The following PKHD1L1 variants were observed in gnomAD, a reference collection of about 807,000 sequenced individuals.
The protein encoded by PKHD1L1 is PKHD1 like 1, also known as fibrocystin-L.
A neutral mutation model predicts 462.9 loss-of-function variants in PKHD1L1; 434 were observed. That is an observed-to-expected ratio of 0.94 (90% CI 0.87 to 1.02). The LOEUF (loss-of-function observed/expected upper bound fraction) is 1.02. PKHD1L1 is among the 50% of genes least tolerant of loss of function. The pLI is 0.00. For synonymous variants in PKHD1L1, 1,781 were observed against 1,750.0 expected (o/e 1.02, Z -0.44); for missense variants, 5,202 against 5,096.1 (o/e 1.02, Z -0.63).
intron 48 of PKHD1L1, 139 bp downstream of exon 48, chr8:109,462,047 C>A: frequency 9.2e-7 from 1 of 1,085,562 alleles, no homozygotes; most frequent in Non-Finnish European, 1.3e-6. Flanking sequence ...AATTTTAATA[C>A]ACCCATTTGA....
rs1820373084 is a variant in PKHD1L1, at chr8:109,518,257, C to T, written c.11780C>T (p.Thr3927Ile). The T allele has an allele frequency of 6.2e-7, 1 of 1,610,962 alleles. No individual in the cohort carries two copies. ...ATGCTTTATCTTTTGGTTAAAGGAACTATACCTGTTGAAATTCACACTGCC... is the reference window on the plus strand; with the variant it reads ...ATGCTTTATCTTTTGGTTAAAGGAATTATACCTGTTGAAATTCACACTGCC... The part of the protein sequence containing the change: ...YQMLYLLVKG[T>I]IPVEIHTATV... Residue 3927 changes from threonine (T) to isoleucine (I), a missense_variant, in exon 73 of 78, where the codon ACT becomes ATT. Coordinates refer to ENST00000378402, the MANE Select transcript of PKHD1L1 (RefSeq NM_177531.6).
At chr8:109,522,989 G>A in intron 75 of PKHD1L1, 99 bp downstream of exon 75, 2 of 1,258,060 alleles carry the variant, frequency 1.6e-6, no homozygotes, top group Admixed American at 2.9e-5. Flanking sequence ...GGCAGCCTGA[G>A]GATCACACGG....
Position 109,483,637 on chromosome 8 carries a change from T to C in PKHD1L1, c.9576+532T>C, listed in dbSNP as rs558149151. Among the ~76,000 whole-genome samples, 18 of 150,604 alleles carry C rather than the reference T, an allele frequency of 1.2e-4. No individual in the cohort carries two copies. The South Asian group carries it at 3.3e-3, about 28-fold the overall frequency. On this transcript the variant is annotated intron_variant, in intron 57 of 77. Coordinates refer to ENST00000378402, the MANE Select transcript of PKHD1L1 (RefSeq NM_177531.6). ...TAATATATTAGTCATATTAGTCATA[T>C]TTTATGCCAATGTATATTAGTCATA...
At chr8:109,406,930 A>G (rs1813583627) in intron 17 of PKHD1L1, among the ~76,000 whole-genome samples, 1 of 69,442 alleles carries the variant, frequency 1.4e-5, no homozygotes, top group Admixed American at 2.0e-4. Flanking sequence ...TGCAGTATTA[A>G]AAAAAAAAGG....
chr8:109,473,622 G>A (rs1563584198), intron 50 of PKHD1L1, among the ~76,000 whole-genome samples: 1 of 152,062 alleles, frequency 6.6e-6, no homozygotes, highest in Non-Finnish European at 1.5e-5. Context: ...GGTTTTGGAT[G>A]ATTTTAATCA....
chr8:109,486,731 G>A lies in PKHD1L1; in HGVS notation c.9790G>A (p.Val3264Ile), dbSNP rs770467805. ...GATACTGAGTAGGAACATCAAAATA[G>A]TTGGTGAAGATTACCCCGGTTGGTC... is the stretch of plus-strand genomic sequence containing the variant. ...VGILSRNIKI[V>I]GEDYPGWSED... Residue 3264 changes from valine (V) to isoleucine (I), a missense_variant, in exon 59 of 78, where the codon GTT becomes ATT. Val to Ile is a conservative substitution (Grantham distance 29, BLOSUM62 3). This residue lies in a region of PKHD1L1 where 4,497 missense variants were observed against 4,336.8 expected (regional missense o/e 1.04). Coordinates refer to ENST00000378402, the MANE Select transcript of PKHD1L1 (RefSeq NM_177531.6). 4.3e-6 allele frequency: 7 copies of A among 1,612,430 alleles called. No homozygotes were observed. The East Asian group carries it at 1.1e-4, about 26-fold the overall frequency.
Position 109,513,660 on chromosome 8 carries a change from G to A in PKHD1L1, c.11554-1510G>A, listed in dbSNP as rs535369337. 2.6e-5 allele frequency among the ~76,000 whole-genome samples: 4 copies of A among 152,136 alleles called. No homozygotes were observed. The East Asian group carries it at 7.8e-4, about 30-fold the overall frequency. ...TGAAGCAGAGAAAGGAGTAAAGAAA[G>A]GAGGCACCAGCCCCTTCCCAGGAGA... On this transcript the variant is annotated intron_variant, in intron 71 of 77. Coordinates refer to ENST00000378402, the MANE Select transcript of PKHD1L1 (RefSeq NM_177531.6).
At chr8:109,507,515 T>C in intron 68 of PKHD1L1, 148 bp from the exon 69 acceptor site, 1 of 651,540 alleles carries the variant, frequency 1.5e-6, no homozygotes, top group South Asian at 2.0e-5. Flanking sequence ...TAATGCAAAT[T>C]ACATAGGCTA....
chr8:109,445,657 T>C lies in PKHD1L1; in HGVS notation c.5776+12T>C. ...TATCCCAAGCAGAGGTACTCCAATATCTGCCTTATTATCTTGATATTATAG... is the reference window on the plus strand; with the variant it reads ...TATCCCAAGCAGAGGTACTCCAATACCTGCCTTATTATCTTGATATTATAG... On this transcript the variant is annotated intron_variant, in intron 38 of 77. Coordinates refer to ENST00000378402, the MANE Select transcript of PKHD1L1 (RefSeq NM_177531.6). 6.3e-7 allele frequency: 1 copy of C among 1,575,436 alleles called. No individual in the cohort carries two copies. The highest frequency in any genetic ancestry group is 8.7e-7 in the Non-Finnish European group (1 of 1,149,250).
intron 71 of PKHD1L1, among the ~76,000 whole-genome samples, chr8:109,511,167 C>A (rs1819955476): frequency 6.6e-6 from 1 of 152,060 alleles, no homozygotes; most frequent in Non-Finnish European, 1.5e-5. Context: ...GATTCTGGTA[C>A]TCCATACGTG....
In PKHD1L1 at chr8:109,481,468, T is replaced by G. The variant is rs562093441; in HGVS notation, c.9363T>G (p.Pro3121=). 18 of 1,599,584 alleles carry G rather than the reference T, an allele frequency of 1.1e-5. No homozygotes were observed. The East Asian group carries it at 3.4e-4, about 30-fold the overall frequency. The change falls in exon 56 of 78, where the codon CCT becomes CCG. Residue 3121 remains proline, a synonymous_variant. Transcript: ENST00000378402. ...GRLIGGWEDN[P]FKGDLKIVLR... ...TAATCGGTGGCTGGGAAGATAACCCTTTTAAAGGAGACTTAAAGATTGTTC... is the reference window on the plus strand; with the variant it reads ...TAATCGGTGGCTGGGAAGATAACCCGTTTAAAGGAGACTTAAAGATTGTTC...
At chr8:109,482,651 A>G (rs919978228) in intron 56 of PKHD1L1, among the ~76,000 whole-genome samples, 6 of 132,146 alleles carry the variant, frequency 4.5e-5, no homozygotes, top group South Asian at 2.9e-4. Context: ...ATAGCCTATT[A>G]TTTTACAGTA....
rs1821105488 is a variant in PKHD1L1 at position 109,534,397 on chromosome 8, A to G, written c.*4307A>G. Among the ~76,000 whole-genome samples the G allele has an allele frequency of 6.6e-6, 1 of 152,084 alleles. No individual in the cohort carries two copies. The highest frequency in any genetic ancestry group is 2.1e-4 in the South Asian group (1 of 4,828). On this transcript the variant is annotated 3_prime_UTR_variant, in exon 78 of 78. Transcript: ENST00000378402. ...AGAATGGTGTGAACCCAGGAGGCGGAGCTTGCAGTGAGCTGAGATCTCGCC... is the reference window on the plus strand; with the variant it reads ...AGAATGGTGTGAACCCAGGAGGCGGGGCTTGCAGTGAGCTGAGATCTCGCC...
intron 27 of PKHD1L1, among the ~76,000 whole-genome samples, chr8:109,430,497 G>A (rs11987659): frequency 0.14 from 21,992 of 152,120 alleles, 4,889 homozygotes; most frequent in African/African-American, 0.48. Flanking sequence ...AGATTTGAGA[G>A]TAAGAGATAT....
In PKHD1L1 at chr8:109,518,502, A is replaced by G; in HGVS notation, c.12025A>G (p.Thr4009Ala). 6.3e-7 allele frequency: 1 copy of G among 1,594,686 alleles called. No homozygotes were observed. Residue 4009 changes from threonine to alanine, a missense_variant, in exon 73 of 78, where the codon ACC (threonine) becomes GCC (alanine). Physicochemically the swap from Thr to Ala is moderately conservative, Grantham distance 58 (BLOSUM62 0). Around this residue, in one of 3 missense-constraint regions of PKHD1L1, gnomAD observed 698 missense variants for 736.3 expected, o/e 0.95. Coordinates refer to ENST00000378402, the MANE Select transcript of PKHD1L1 (RefSeq NM_177531.6). The part of the protein sequence containing the change: ...DPPIQFISNG[T>A]TGQMQLSELQ... ...TCCTATTCAGTTCATAAGCAATGGC[A>G]CCACAGGTATGAATAACAGGTGTTT...
Position 109,491,302 on chromosome 8 carries a change from A to C in PKHD1L1, c.10114+201A>C, listed in dbSNP as rs572299376. ...GCTAGGAGCTGAATTATGACTGAGG[A>C]ACTGAATTTTTAATTTTAATGGTAC... On this transcript the variant is annotated intron_variant, in intron 61 of 77. Coordinates refer to ENST00000378402, the MANE Select transcript of PKHD1L1 (RefSeq NM_177531.6). 2.6e-5 allele frequency among the ~76,000 whole-genome samples: 4 copies of C among 151,906 alleles called. No homozygotes were observed. The East Asian group carries it at 7.7e-4, about 29-fold the overall frequency.
rs1031744698 is a variant in PKHD1L1 at position 109,425,094 on chromosome 8, C to T, written c.2707C>T (p.His903Tyr). The change falls in exon 24 of 78, where the codon CAT becomes TAT. Residue 903 changes from histidine to tyrosine, a missense_variant. Around this residue, in one of 3 missense-constraint regions of PKHD1L1, gnomAD observed 4,497 missense variants for 4,336.8 expected, o/e 1.04. Transcript: ENST00000378402. ...TTATTTTGGAAATTAGATAATCACA[C>T]ATGAGACAGAGAACGAGTTTGTCTA... The part of the protein sequence containing the change: ...MAVSFGQIIT[H>Y]ETENEFVYRG... 3.2e-6 allele frequency: 5 copies of T among 1,582,040 alleles called. No homozygotes were observed. The Admixed American group carries it at 5.7e-5, about 18-fold the overall frequency.
chr8:109,367,908 C>T (rs1457993700), intron 2 of PKHD1L1, among the ~76,000 whole-genome samples: 1 of 152,116 alleles, frequency 6.6e-6, no homozygotes, highest in African/African-American at 2.4e-5. Context: ...GCTTTAAAAA[C>T]AAAATAAAAC....
At chr8:109,477,922 T>G (rs1413230001) in intron 53 of PKHD1L1, among the ~76,000 whole-genome samples, 1 of 152,198 alleles carries the variant, frequency 6.6e-6, no homozygotes, top group African/African-American at 2.4e-5. Context: ...ACATAGCTCT[T>G]TACCTTTATT....
Sources: gnomAD v4.1 joint callset for allele counts (sites outside exome capture counted in the v4.1 genomes callset) on GRCh38, gnomAD v4.1.1 for gene constraint, gnomAD v4.1.1 regional missense constraint, MANE v1.5 for transcripts, NCBI Gene and HGNC (gene_info 2026-07-23, HGNC 2026-07-21) for gene names.